ZNF510: variants seen among roughly 807,000 people sequenced by gnomAD.
ZNF510 encodes zinc finger protein 510.
A neutral mutation model predicts 18.1 loss-of-function variants in ZNF510; 15 were observed. That is an observed-to-expected ratio of 0.83 (90% CI 0.55 to 1.28). The LOEUF is 1.28. ZNF510 is among the 50% of genes most tolerant of loss of function. ZNF510 has a pLI of 0.00. For synonymous variants in ZNF510, 261 were observed against 266.4 expected, an observed-to-expected ratio of 0.98 and a Z score of 0.20; for missense variants, 724 against 791.8, an observed-to-expected ratio of 0.91 and a Z score of 1.03.
In ZNF510 at chr9:96,755,097, A is replaced by G. The variant is rs931869720; in HGVS notation, c.*3681T>C. Among the ~76,000 whole-genome samples the G allele has an allele frequency of 7.9e-5, 12 of 152,198 alleles. No homozygotes were observed. Among genetic ancestry groups the G allele is most frequent in the Non-Finnish European group, 1.5e-4 (10 of 68,034 alleles). On this transcript the variant is annotated 3_prime_UTR_variant, in exon 6 of 6. Coordinates refer to ENST00000223428, the MANE Select transcript of ZNF510 (RefSeq NM_014930.3). ...GGTATCCTGTGGGCCGCCCTCTGCT[A>G]AGGGACAGCAGGTGAAGCCTGAGTC... is the stretch of plus-strand genomic sequence containing the variant.
Position 96,776,016 on chromosome 9 carries a change from G to T in ZNF510, c.54C>A (p.Gly18=), listed in dbSNP as rs571019619. ...CCAGCTTACCACCTTCTGCAAGTTG[G>T]CCCACAGTGTTCAGTGTCACACAAT... ...ITDCVTLNTV[G]QLAEGGYPLR... is the part of the protein sequence containing the mutation. Residue 18 remains glycine (G), a synonymous_variant, in exon 2 of 6, where the codon GGC becomes GGA. Transcript: ENST00000223428. The T allele has an allele frequency of 1.9e-6, 3 of 1,609,046 alleles. No homozygotes were observed. The Admixed American group carries it at 5.0e-5, about 27-fold the overall frequency.
intron 5 of ZNF510, 86 bp downstream of exon 5, chr9:96,763,032 T>C: frequency 9.5e-7 from 1 of 1,055,810 alleles, no homozygotes. Context: ...AAGAAAAGTC[T>C]TGCAATATTT....
Position 96,774,837 on chromosome 9 carries a change from A to G in ZNF510, c.80T>C (p.Leu27Ser), listed in dbSNP as rs1168525804. ...CTCCTGAAAGAGTGTGGAGAACCGT[A>G]AAGGATAACCTGGGGGTGAGGAAGG... ...VGQLAEGGYP[L>S]RFSTLFQEQQ... Residue 27 changes from leucine to serine, a missense_variant, in exon 3 of 6, where the codon TTA (leucine) becomes TCA (serine). Transcript: ENST00000223428. 1.9e-6 allele frequency: 3 copies of G among 1,613,404 alleles called. No individual in the cohort carries two copies. The highest frequency in any genetic ancestry group is 2.5e-6 in the Non-Finnish European group (3 of 1,179,736).
chr9:96,762,195 T>C (rs1052260153), intron 5 of ZNF510, among the ~76,000 whole-genome samples: 2 of 129,350 alleles, frequency 1.5e-5, no homozygotes, highest in African/African-American at 6.1e-5. Context: ...CCCCAAAACC[T>C]GTGGAAATTA....
intron 3 of ZNF510, among the ~76,000 whole-genome samples, chr9:96,765,033 G>C (rs1342156978): frequency 6.6e-6 from 1 of 151,962 alleles, no homozygotes; most frequent in Non-Finnish European, 1.5e-5. Flanking sequence ...GAATCGTTTG[G>C]ACCTGGGAGG....
Position 96,758,167 on chromosome 9 carries a change from A to G in ZNF510, c.*611T>C, listed in dbSNP as rs1437026620. ...TTAAATTTTGCTCACATAATGTTCA[A>G]CTGGGAAAGACACAGAAGAGGAGAA... is the stretch of plus-strand genomic sequence containing the variant. On this transcript the variant is annotated 3_prime_UTR_variant, in exon 6 of 6. Coordinates refer to ENST00000223428, the MANE Select transcript of ZNF510 (RefSeq NM_014930.3). 6.6e-6 allele frequency: 1 copy of G among 152,178 alleles called. No individual in the cohort carries two copies. The highest frequency in any genetic ancestry group is 1.9e-4 in the East Asian group (1 of 5,176). The allele number at this position is 152,178 out of a possible 1,614,324, so 9.4% of individuals were successfully genotyped here. A position where few individuals can be genotyped will look rare whatever the true frequency, so the allele number is the denominator to read the frequency against.
At chr9:96,773,836 A>G (rs1333092891) in intron 3 of ZNF510, among the ~76,000 whole-genome samples, 1 of 152,204 alleles carries the variant, frequency 6.6e-6, no homozygotes, top group Non-Finnish European at 1.5e-5. Flanking sequence ...TTGGCCTCCC[A>G]AAGTGCTGGG....
At chr9:96,763,439 A>G (rs1849402306) in intron 4 of ZNF510, 67 bp downstream of exon 4, 2 of 1,516,170 alleles carry the variant, frequency 1.3e-6, no homozygotes, top group Non-Finnish European at 8.9e-7. Flanking sequence ...GTTCACATGT[A>G]TTGGCACTTA....
Position 96,771,135 on chromosome 9 carries a change from T to C in ZNF510, c.129+3653A>G, listed in dbSNP as rs1588131895. 2.0e-5 allele frequency among the ~76,000 whole-genome samples: 3 copies of C among 152,340 alleles called. No individual in the cohort carries two copies. The East Asian group carries it at 5.8e-4, about 29-fold the overall frequency. On this transcript the variant is annotated intron_variant, in intron 3 of 5. Transcript: ENST00000223428. ...AATAACTGTTTCCAAACTCATTTTTTGAGAATATAATGTTGACGCCAAAAC... is the reference window on the plus strand; with the variant it reads ...AATAACTGTTTCCAAACTCATTTTTCGAGAATATAATGTTGACGCCAAAAC...
At chr9:96,774,353 C>A (rs751276759) in intron 3 of ZNF510, among the ~76,000 whole-genome samples, 7 of 152,202 alleles carry the variant, frequency 4.6e-5, no homozygotes, top group Non-Finnish European at 1.0e-4. Flanking sequence ...CTGAGTTTGG[C>A]ACTAAGCCGT....
intron 3 of ZNF510, among the ~76,000 whole-genome samples, chr9:96,766,511 GCTACTATCTGA>G (rs1849476182): frequency 6.6e-6 from 1 of 151,970 alleles, no homozygotes; most frequent in South Asian, 2.1e-4. Flanking sequence ...TCTCACAAAG[GCTACTATCTGA>G]CATTTACAGA....
Position 96,759,014 on chromosome 9 carries a change from CACAT to C in ZNF510, c.1812_1815del (p.Cys605GlyfsTer65). The C allele has an allele frequency of 6.2e-7, 1 of 1,613,766 alleles. No individual in the cohort carries two copies. The highest frequency in any genetic ancestry group is 8.5e-7 in the Non-Finnish European group (1 of 1,179,932). ...ATTGCTTTCCGGACAAATTTCTTCC[CACAT>C]TCATTACATTTAAATGGTTTCTCCC... On this transcript the variant is annotated frameshift_variant, in exon 6 of 6. Transcript: ENST00000223428. LOFTEE classifies it low-confidence loss of function (END_TRUNC).
chr9:96,760,552 A>C, intron 5 of ZNF510, 75 bp from the exon 6 acceptor site: 1 of 1,276,028 alleles, frequency 7.8e-7, no homozygotes, highest in Non-Finnish European at 1.1e-6. Context: ...CATACAGCCT[A>C]TGTTGCACCT....
rs772964814 is a variant in ZNF510 at position 96,760,109 on chromosome 9, G to T, written c.721C>A (p.Leu241Ile). The change falls in exon 6 of 6, where the codon CTT (leucine) becomes ATT (isoleucine). Residue 241 changes from leucine to isoleucine, a missense_variant. Transcript: ENST00000223428. Reference protein sequence around the residue: ...NMKALNYNENLPKHPKFQTLE... With the variant: ...NMKALNYNENIPKHPKFQTLE... ...GTTTGAAACTTTGGATGCTTGGGAA[G>T]ATTTTCATTATAATTGAGAGCTTTC... The T allele has an allele frequency of 6.2e-7, 1 of 1,608,746 alleles. No individual in the cohort carries two copies. The highest frequency in any genetic ancestry group is 1.7e-4 in the Middle Eastern group (1 of 5,968).
At chr9:96,769,622 C>CTG (rs1406715887) in intron 3 of ZNF510, among the ~76,000 whole-genome samples, 1 of 152,060 alleles carries the variant, frequency 6.6e-6, no homozygotes, top group East Asian at 1.9e-4. Context: ...GCAAAGGATA[C>CTG]CATCAAGATA....
chr9:96,771,885 G>T (rs916995819), intron 3 of ZNF510, among the ~76,000 whole-genome samples: 1 of 151,998 alleles, frequency 6.6e-6, no homozygotes, highest in Non-Finnish European at 1.5e-5. Context: ...AAATACCTAG[G>T]AATAAATATA....
chr9:96,759,368 AG>A lies in ZNF510; in HGVS notation c.1461del (p.Tyr488MetfsTer183). 6.2e-7 allele frequency: 1 copy of A among 1,614,150 alleles called. No individual in the cohort carries two copies. Among genetic ancestry groups the A allele is most frequent in the Non-Finnish European group, 8.5e-7 (1 of 1,180,004 alleles). ...GTTTTCCCACATTCACTACATTCAT[AG>A]GGTTTTTCTCCTGTGTGAATTCTTT... ...GHQRIHTGEK[P>X]YECSECGKTF... On this transcript the variant is annotated frameshift_variant, in exon 6 of 6. Coordinates refer to ENST00000223428, the MANE Select transcript of ZNF510 (RefSeq NM_014930.3). LOFTEE classifies it low-confidence loss of function (END_TRUNC).
Position 96,758,984 on chromosome 9 carries a change from T to G in ZNF510, c.1846A>C (p.Ser616Arg). The part of the protein sequence containing the change: ...GKKFVRKAIL[S>R]DHQRIHTGEK... ...CCTGTGTGAATTCTCTGATGATCAC[T>G]AAGGATTGCTTTCCGGACAAATTTC... The change falls in exon 6 of 6, where the codon AGT becomes CGT. Residue 616 changes from serine to arginine, a missense_variant. Transcript: ENST00000223428. The G allele has an allele frequency of 6.2e-7, 1 of 1,613,992 alleles. No individual in the cohort carries two copies. The highest frequency in any genetic ancestry group is 2.2e-5 in the East Asian group (1 of 44,866).
rs1849159664 is a variant in ZNF510, at chr9:96,754,831, T to G, written c.*3947A>C. Among the ~76,000 whole-genome samples the G allele has an allele frequency of 6.6e-6, 1 of 152,196 alleles. No individual in the cohort carries two copies. Among genetic ancestry groups the G allele is most frequent in the Non-Finnish European group, 1.5e-5 (1 of 68,038 alleles). On this transcript the variant is annotated 3_prime_UTR_variant, in exon 6 of 6. Coordinates refer to ENST00000223428, the MANE Select transcript of ZNF510 (RefSeq NM_014930.3). ...ACGAAGAGGGACTGCTTCATGTGTTTGAGATACACTGTGAATAAAACAGAC... is the reference window on the plus strand; with the variant it reads ...ACGAAGAGGGACTGCTTCATGTGTTGGAGATACACTGTGAATAAAACAGAC...
Sources: allele counts gnomAD v4.1 joint callset (sites outside exome capture counted in the v4.1 genomes callset), GRCh38; gene constraint gnomAD v4.1.1; transcripts MANE v1.5; gene names NCBI Gene and HGNC (gene_info 2026-07-23, HGNC 2026-07-21).